Variants in GRM5 observed in about 807,000 individuals in gnomAD.
GRM5 encodes metabotropic glutamate receptor 5.
GRM5 carries 19 observed loss-of-function variants against 83.1 expected under a neutral mutation model. The ratio of observed to expected loss-of-function variants is 0.23; its 90% CI spans 0.16 to 0.34. The LOEUF is 0.34. Among genes scored for constraint, GRM5 ranks in the 10% least tolerant of loss-of-function variants. The pLI is 1.00. For missense variants in GRM5, 1,160 were observed against 1,588.3 expected (o/e 0.73, Z 4.58); for synonymous variants, 675 against 633.6 (o/e 1.07, Z -0.98).
intron 7 of GRM5, among the ~76,000 whole-genome samples, chr11:88,569,042 A>T (rs1942930845): frequency 6.6e-6 from 1 of 152,208 alleles, no homozygotes; most frequent in Admixed American, 6.5e-5. Context: ...TTTTTAGGAC[A>T]GTGGTTCTCA....
At chr11:88,656,113 T>C (rs1939762265) in intron 3 of GRM5, among the ~76,000 whole-genome samples, 2 of 108,026 alleles carry the variant, frequency 1.9e-5, no homozygotes, top group African/African-American at 6.9e-5. Context: ...TTCTATTACT[T>C]TGATAGAGTG....
intron 3 of GRM5, among the ~76,000 whole-genome samples, chr11:88,815,652 A>C (rs76850181): frequency 0.034 from 5,161 of 152,248 alleles, 242 homozygotes; most frequent in Admixed American, 0.15. Context: ...CAGAGATCAC[A>C]AGGTGATAGA....
At chr11:88,830,990 C>T (rs561750230) in intron 3 of GRM5, among the ~76,000 whole-genome samples, 1 of 152,090 alleles carries the variant, frequency 6.6e-6, no homozygotes, top group South Asian at 2.1e-4. Flanking sequence ...ATGGGAAAGA[C>T]CTGACCCCCA....
At chr11:88,919,167 C>T (rs1590963993) in intron 2 of GRM5, among the ~76,000 whole-genome samples, 1 of 139,664 alleles carries the variant, frequency 7.2e-6, no homozygotes, top group East Asian at 2.1e-4. Flanking sequence ...CCTATAAAGA[C>T]ATACACTGAA....
chr11:88,647,666 A>G (rs1440667741), intron 4 of GRM5, among the ~76,000 whole-genome samples: 1 of 152,134 alleles, frequency 6.6e-6, no homozygotes, highest in Non-Finnish European at 1.5e-5. Context: ...ATCTAATTAA[A>G]CTCAAGAGCT....
rs74892160 is a variant in GRM5, at chr11:88,622,504, T to A, written c.1148-17540A>T. ...CCACCTTACCACTATGAATACACAT[T>A]TATTTCATTATAACCCAGACTTCAA... On this transcript the variant is annotated intron_variant, in intron 4 of 9. Transcript: ENST00000305447. Among the ~76,000 whole-genome samples, 1,406 of 152,304 alleles carry A rather than the reference T, an allele frequency of 9.2e-3. 25 individuals are homozygous for A. Among genetic ancestry groups the A allele is most frequent in the African/African-American group, 0.032 (1,332 of 41,562 alleles).
At chr11:89,049,231 G>C (rs1329085691) in intron 1 of GRM5, among the ~76,000 whole-genome samples, 2 of 152,268 alleles carry the variant, frequency 1.3e-5, no homozygotes, top group Admixed American at 6.5e-5. Flanking sequence ...ATTCTGCCAG[G>C]TAGAAATTTA....
intron 1 of GRM5, among the ~76,000 whole-genome samples, chr11:89,057,424 A>G (rs933129447): frequency 6.6e-6 from 1 of 152,168 alleles, no homozygotes; most frequent in African/African-American, 2.4e-5. Context: ...AATATAGGCC[A>G]TATTTTAACT....
At chr11:88,919,189 TG>T (rs1945645147) in intron 2 of GRM5, among the ~76,000 whole-genome samples, 1 of 125,490 alleles carries the variant, frequency 8.0e-6, no homozygotes, top group Non-Finnish European at 1.7e-5. Flanking sequence ...AAAAAAAAGA[TG>T]GAAAAAGATA....
intron 3 of GRM5, among the ~76,000 whole-genome samples, chr11:88,806,503 C>T (rs1943500867): frequency 6.6e-6 from 1 of 152,056 alleles, no homozygotes; most frequent in Non-Finnish European, 1.5e-5. Context: ...TTGGTTTCTG[C>T]CTATAGTTAA....
intron 1 of GRM5, among the ~76,000 whole-genome samples, chr11:89,058,955 C>G (rs1249064267): frequency 6.6e-6 from 1 of 152,060 alleles, no homozygotes; most frequent in South Asian, 2.1e-4. Flanking sequence ...GTATTATTTA[C>G]TTCTATGTCT....
intron 8 of GRM5, among the ~76,000 whole-genome samples, chr11:88,528,918 A>G (rs1260626814): frequency 1.3e-5 from 2 of 152,092 alleles, no homozygotes; most frequent in African/African-American, 4.8e-5. Context: ...CCCAAGGTTA[A>G]AAATCAGGTT....
At chr11:89,031,521 C>T (rs1054101053) in intron 2 of GRM5, among the ~76,000 whole-genome samples, 8 of 151,556 alleles carry the variant, frequency 5.3e-5, no homozygotes, top group African/African-American at 1.7e-4. Context: ...TATAATGCCA[C>T]GAATAACAAT....
intron 3 of GRM5, among the ~76,000 whole-genome samples, chr11:88,798,774 T>C (rs1943329531): frequency 7.1e-6 from 1 of 140,140 alleles, no homozygotes; most frequent in Admixed American, 7.5e-5. Flanking sequence ...TCATGAGTGT[T>C]TCTCTACTCT....
intron 2 of GRM5, among the ~76,000 whole-genome samples, chr11:88,878,051 T>C (rs12791441): frequency 1.3e-5 from 2 of 151,974 alleles, no homozygotes; most frequent in Non-Finnish European, 2.9e-5. Context: ...AAATATACCA[T>C]ATGACTCAGC....
chr11:88,697,436 T>C (rs1053309999), intron 3 of GRM5, among the ~76,000 whole-genome samples: 1 of 152,188 alleles, frequency 6.6e-6, no homozygotes, highest in Admixed American at 6.6e-5. Flanking sequence ...GCTCACTCAA[T>C]ACTCATTTGT....
chr11:88,979,715 T>C (rs1258884203), intron 2 of GRM5, among the ~76,000 whole-genome samples: 1 of 152,210 alleles, frequency 6.6e-6, no homozygotes, highest in Non-Finnish European at 1.5e-5. Flanking sequence ...CTTCTGTGAA[T>C]TCCTGTCTGT....
chr11:88,926,570 T>C (rs967561526), intron 2 of GRM5, among the ~76,000 whole-genome samples: 1 of 152,200 alleles, frequency 6.6e-6, no homozygotes, highest in African/African-American at 2.4e-5. Flanking sequence ...GACTACTTTG[T>C]CTATTTAGCA....
intron 2 of GRM5, among the ~76,000 whole-genome samples, chr11:89,002,754 C>T (rs562180572): frequency 6.6e-5 from 10 of 152,044 alleles, no homozygotes; most frequent in Non-Finnish European, 1.5e-4. Context: ...CGTTCAAAAC[C>T]CTCCAAAGGC....
Sources: allele counts gnomAD v4.1 joint callset (sites outside exome capture counted in the v4.1 genomes callset), GRCh38; gene constraint gnomAD v4.1.1; transcripts MANE v1.5; gene names NCBI Gene and HGNC (gene_info 2026-07-23, HGNC 2026-07-21).